The following SCN7A variants were observed in gnomAD, a reference collection of about 807,000 sequenced individuals.
SCN7A encodes sodium channel protein type 7 subunit alpha.
A neutral mutation model predicts 155.2 loss-of-function variants in SCN7A; 138 were observed. The observed-to-expected ratio is 0.89, with a 90% CI of 0.77 to 1.02. The LOEUF (loss-of-function observed/expected upper bound fraction) is 1.02. Ranked by LOEUF, SCN7A falls within the 50% of genes least tolerant of loss-of-function variation. The probability of loss-of-function intolerance (pLI) is 0.00; values close to 1 mark genes in which losing one functional copy is unlikely to be tolerated. For missense variants in SCN7A, 2,058 were observed against 1,986.6 expected (o/e 1.04, Z -0.68); for synonymous variants, 693 against 649.0 (o/e 1.07, Z -1.03).
In SCN7A at chr2:166,405,380, T is replaced by C; in HGVS notation, c.*200A>G. 1 of 518,256 alleles carries C rather than the reference T, an allele frequency of 1.9e-6. No individual in the cohort carries two copies. The highest frequency in any genetic ancestry group is 3.3e-5 in the South Asian group (1 of 30,320). The allele number at this position is 518,256 out of a possible 1,614,324, so 32.1% of individuals were successfully genotyped here. ...CCACTTTAACCCACTTTAAACTCAC[T>C]GCAGCAATATTAAGGATTCTCTTGA... On this transcript the variant is annotated 3_prime_UTR_variant, in exon 26 of 26. Transcript: ENST00000643258.
chr2:166,463,759 T>G (rs970911629), intron 9 of SCN7A, among the ~76,000 whole-genome samples: 1 of 152,070 alleles, frequency 6.6e-6, no homozygotes, highest in African/African-American at 2.4e-5. Context: ...CAAAAAAATA[T>G]GTACTGAGGC....
At chr2:166,477,965 T>C (rs1011990900) in intron 2 of SCN7A, among the ~76,000 whole-genome samples, 1 of 152,004 alleles carries the variant, frequency 6.6e-6, no homozygotes, top group African/African-American at 2.4e-5. Context: ...ACCTTTCAAC[T>C]TCTCCATTAT....
In SCN7A at chr2:166,405,858, T is replaced by G; in HGVS notation, c.4771A>C (p.Arg1591=). 6.2e-7 allele frequency: 1 copy of G among 1,613,124 alleles called. No individual in the cohort carries two copies. The highest frequency in any genetic ancestry group is 8.5e-7 in the Non-Finnish European group (1 of 1,179,382). ...FTKRVMGQDV[R]MEKVVSEIES... is the part of the protein sequence containing the mutation. The stretch of plus-strand genomic sequence containing the variant: ...ATTTCTGAAACAACTTTCTCCATCC[T>G]CACATCTTGACCCATAACTCTCTTT... The change falls in exon 26 of 26, where the codon AGG becomes CGG. Residue 1591 remains arginine (R), a synonymous_variant. Coordinates refer to ENST00000643258, the MANE Select transcript of SCN7A (RefSeq NM_002976.4).
chr2:166,429,408 G>A (rs1359531873), intron 16 of SCN7A, 134 bp from the exon 17 acceptor site: 1 of 605,458 alleles, frequency 1.7e-6, no homozygotes, highest in East Asian at 3.1e-5. Context: ...AAGACTTAAG[G>A]CCAATTTCAT....
intron 19 of SCN7A, among the ~76,000 whole-genome samples, chr2:166,421,827 C>G (rs574760394): frequency 3.9e-5 from 6 of 151,918 alleles, no homozygotes; most frequent in African/African-American, 1.4e-4. Flanking sequence ...TAACCAGATA[C>G]TAAGGTAATC....
chr2:166,421,737 C>T (rs918353264), intron 19 of SCN7A, among the ~76,000 whole-genome samples: 1 of 151,874 alleles, frequency 6.6e-6, no homozygotes, highest in African/African-American at 2.4e-5. Flanking sequence ...AGACAATATA[C>T]ATGATAGGCT....
chr2:166,483,947 G>A (rs933233659), intron 2 of SCN7A, among the ~76,000 whole-genome samples: 1 of 151,828 alleles, frequency 6.6e-6, no homozygotes, highest in Non-Finnish European at 1.5e-5. Context: ...AAAGATTATA[G>A]TACATCCTTA....
At chr2:166,417,940 A>C (rs1052104013) in intron 20 of SCN7A, among the ~76,000 whole-genome samples, 64 of 151,780 alleles carry the variant, frequency 4.2e-4, no homozygotes, top group African/African-American at 1.5e-3. Flanking sequence ...GCAATAATCT[A>C]TAATCACTGT....
chr2:166,466,669 C>A (rs1471722849), intron 7 of SCN7A, among the ~76,000 whole-genome samples: 2 of 151,872 alleles, frequency 1.3e-5, no homozygotes, highest in African/African-American at 4.8e-5. Flanking sequence ...TTCTTTCTTC[C>A]ATCCTTCCCT....
In SCN7A at chr2:166,432,650, T is replaced by C; in HGVS notation, c.2260A>G (p.Arg754Gly). 1 of 1,610,100 alleles carries C rather than the reference T, an allele frequency of 6.2e-7. No individual in the cohort carries two copies. The highest frequency in any genetic ancestry group is 8.5e-7 in the Non-Finnish European group (1 of 1,178,872). The change falls in exon 16 of 26, where the codon AGA becomes GGA. Residue 754 changes from arginine (R) to glycine (G), a missense_variant. Coordinates refer to ENST00000643258, the MANE Select transcript of SCN7A (RefSeq NM_002976.4). ...ACATAGTTTATTCCTTTTTTAATTC[T>C]TGCCACTGCAAGCTGGAGATTTTTT... Reference protein sequence around the residue: ...EAKNLQLAVARIKKGINYVLL... With the variant: ...EAKNLQLAVAGIKKGINYVLL...
rs1701025267 is a variant in SCN7A at position 166,404,597 on chromosome 2, C to T, written c.*983G>A. 1 of 151,564 alleles carries T rather than the reference C, an allele frequency of 6.6e-6. No homozygotes were observed. Among genetic ancestry groups the T allele is most frequent in the African/African-American group, 2.4e-5 (1 of 41,332 alleles). 9.4% of individuals were successfully genotyped at this position (151,564 alleles called of 1,614,324 possible). On this transcript the variant is annotated 3_prime_UTR_variant, in exon 26 of 26. Transcript: ENST00000643258. ...GTTGCCACAACTTTCCAATTAAGGG[C>T]CAAGACACTATGAGAATCCCTATAC...
rs769832832 is a variant in SCN7A at position 166,462,523 on chromosome 2, G to A, written c.949C>T (p.Pro317Ser). 4 of 1,613,534 alleles carry A rather than the reference G, an allele frequency of 2.5e-6. No individual in the cohort carries two copies. In the East Asian group the frequency reaches 6.7e-5, roughly 27 times the overall value. Residue 317 changes from proline (P) to serine (S), a missense_variant, in exon 10 of 26, where the codon CCT becomes TCT. Physicochemically the swap from Pro to Ser is moderately conservative, Grantham distance 74 (BLOSUM62 -1). Coordinates refer to ENST00000643258, the MANE Select transcript of SCN7A (RefSeq NM_002976.4). ...CGNRTDAGQC[P>S]EGYVCVKAGI... ...GCTTTTACACACACATATCCTTCAG[G>A]ACACTGACTAAAGAAGACAAAGAAA... is the stretch of plus-strand genomic sequence containing the variant.
intron 21 of SCN7A, among the ~76,000 whole-genome samples, chr2:166,414,311 T>C (rs530384380): frequency 0.027 from 2,118 of 78,832 alleles, 146 homozygotes; most frequent in African/African-American, 0.096. Context: ...TATATATATA[T>C]ACACATATAT....
At position 166,472,437 on chromosome 2, in the gene SCN7A, A is replaced by G. The variant is rs765577403; in HGVS notation, c.452T>C (p.Leu151Ser). ...TATTTCAAATGTGTAAATTCCAAGCAAAGTATTCCTGCAGAAATTTTTTCA... is the reference window on the plus strand; with the variant it reads ...TATTTCAAATGTGTAAATTCCAAGCGAAGTATTCCTGCAGAAATTTTTTCA... ...PKWRPVLENT[L>S]LGIYTFEILV... The change falls in exon 6 of 26, where the codon TTG (leucine) becomes TCG (serine). Residue 151 changes from leucine to serine, a missense_variant. By Grantham distance (145) the Leu-to-Ser change is moderately radical (BLOSUM62 -2). Transcript: ENST00000643258. 1 of 1,599,214 alleles carries G rather than the reference A, an allele frequency of 6.3e-7. No individual in the cohort carries two copies. Among genetic ancestry groups the G allele is most frequent in the Non-Finnish European group, 8.5e-7 (1 of 1,170,848 alleles).
At chr2:166,433,088 T>G (rs1234032345) in intron 15 of SCN7A, among the ~76,000 whole-genome samples, 1 of 152,126 alleles carries the variant, frequency 6.6e-6, no homozygotes, top group Non-Finnish European at 1.5e-5. Context: ...TAGTGTTCCA[T>G]TATTGGAAGG....
intron 25 of SCN7A, among the ~76,000 whole-genome samples, chr2:166,408,143 G>T (rs995175846): frequency 2.6e-5 from 4 of 151,858 alleles, no homozygotes; most frequent in African/African-American, 9.7e-5. Context: ...TTTCCAATGT[G>T]ATTTCTGGTC....
At chr2:166,414,004 A>T (rs6748109) in intron 21 of SCN7A, among the ~76,000 whole-genome samples, 1,068 of 44,532 alleles carry the variant, frequency 0.024, 29 homozygotes, top group African/African-American at 0.038. Context: ...TATATATATA[A>T]ATATACTATA....
Position 166,405,711 on chromosome 2 carries a change from G to A in SCN7A, c.4918C>T (p.Arg1640Cys), listed in dbSNP as rs774816730. 8.7e-6 allele frequency: 14 copies of A among 1,612,774 alleles called. No homozygotes were observed. Among genetic ancestry groups the A allele is most frequent in the African/African-American group, 8.0e-5 (6 of 74,804 alleles). Residue 1640 changes from arginine to cysteine, a missense_variant, in exon 26 of 26, where the codon CGC (arginine) becomes TGC (cysteine). Arg to Cys is a radical substitution (Grantham distance 180). Coordinates refer to ENST00000643258, the MANE Select transcript of SCN7A (RefSeq NM_002976.4). ...GTATTTTTGTCATTTCGCCTCAAGC[G>A]GTAATTTTTATAAGCACGTTGAATG... The part of the protein sequence containing the change: ...TIIQRAYKNY[R>C]LRRNDKNTSD...
At chr2:166,434,546 T>C (rs2105418336) in intron 15 of SCN7A, among the ~76,000 whole-genome samples, 1 of 152,304 alleles carries the variant, frequency 6.6e-6, no homozygotes, top group East Asian at 1.9e-4. Context: ...CTAATCTATG[T>C]AACCTTTGAT....
Sources: gnomAD v4.1 joint callset for allele counts (sites outside exome capture counted in the v4.1 genomes callset) on GRCh38, gnomAD v4.1.1 for gene constraint, MANE v1.5 for transcripts, NCBI Gene and HGNC (gene_info 2026-07-23, HGNC 2026-07-21) for gene names.